The following STPG2 variants were observed in gnomAD, a reference collection of about 807,000 sequenced individuals.
STPG2 encodes the protein sperm-tail PG-rich repeat-containing protein 2.
Under a neutral mutation model 54.2 loss-of-function variants are expected in STPG2, and 56 were observed. The observed-to-expected ratio is 1.03, with a 90% CI of 0.83 to 1.29. The LOEUF (loss-of-function observed/expected upper bound fraction) is 1.29, where lower values mean the gene tolerates loss of function less well. STPG2 is among the 50% of genes most tolerant of loss of function. STPG2 has a pLI of 0.00. For synonymous variants in STPG2, 200 were observed against 181.8 expected (o/e 1.10, Z -0.81); for missense variants, 596 against 544.9 (o/e 1.09, Z -0.93).
Position 98,109,210 on chromosome 4 carries a change from TC to T in STPG2, c.482del (p.Gly161AspfsTer5). 7 of 1,608,966 alleles carry T rather than the reference TC, an allele frequency of 4.4e-6. No individual in the cohort carries two copies. The highest frequency in any genetic ancestry group is 5.9e-6 in the Non-Finnish European group (7 of 1,176,766). On this transcript the variant is annotated frameshift_variant, in exon 4 of 11. Transcript: ENST00000295268. LOFTEE classifies it high-confidence loss of function. ...TTACTTACTGGACTATATCATACTGTCCTGGACCAGGACCTGACTTTTTAGG... is the reference window on the plus strand; with the variant it reads ...TTACTTACTGGACTATATCATACTGTCTGGACCAGGACCTGACTTTTTAGG... ...ELPKKSGPGPGQYDIVQKKTS... is the reference protein window; with the variant it reads ...ELPKKSGPGPXQYDIVQKKTS...
chr4:98,067,476 T>C (rs1425783000), intron 5 of STPG2, among the ~76,000 whole-genome samples: 7 of 152,072 alleles, frequency 4.6e-5, no homozygotes, highest in Non-Finnish European at 1.0e-4. Context: ...CTGATTATTA[T>C]ACAGCCAGAA....
chr4:98,094,731 A>G (rs1431789875), intron 5 of STPG2, among the ~76,000 whole-genome samples: 1 of 152,142 alleles, frequency 6.6e-6, no homozygotes, highest in Non-Finnish European at 1.5e-5. Context: ...ACCCCCATGG[A>G]TCAGTGGTGG....
At chr4:97,863,383 C>A (rs1294053134) in intron 8 of STPG2, among the ~76,000 whole-genome samples, 1 of 152,080 alleles carries the variant, frequency 6.6e-6, no homozygotes, top group Non-Finnish European at 1.5e-5. Context: ...TACACCCTCC[C>A]AAGACTAAGC....
chr4:97,539,845 A>G (rs1731648151), intron 4 of STPG2, among the ~76,000 whole-genome samples: 1 of 152,160 alleles, frequency 6.6e-6, no homozygotes. Flanking sequence ...ACTCAACTAC[A>G]TGGAATCTGA....
intron 9 of STPG2, among the ~76,000 whole-genome samples, 169 bp downstream of exon 9, chr4:97,840,604 G>A (rs1358154917): frequency 6.6e-6 from 1 of 151,350 alleles, no homozygotes; most frequent in East Asian, 1.9e-4. Context: ...AAATAATGTT[G>A]TTTAGTTCAA....
At chr4:97,948,560 A>G (rs954331395) in intron 7 of STPG2, among the ~76,000 whole-genome samples, 2 of 152,116 alleles carry the variant, frequency 1.3e-5, no homozygotes, top group African/African-American at 4.8e-5. Flanking sequence ...AGTGCTACAA[A>G]CATTCCTCTT....
intron 10 of STPG2, among the ~76,000 whole-genome samples, chr4:97,642,188 T>A (rs1484362273): frequency 2.0e-5 from 3 of 151,336 alleles, no homozygotes; most frequent in East Asian, 3.9e-4. Context: ...TGCAGATAAA[T>A]ATAAAAATAA....
intron 9 of STPG2, among the ~76,000 whole-genome samples, chr4:97,739,508 G>T (rs1447770532): frequency 2.0e-5 from 3 of 151,996 alleles, no homozygotes; most frequent in African/African-American, 7.3e-5. Flanking sequence ...TCAAATAGAC[G>T]CAATAAAAAA....
intron 10 of STPG2, among the ~76,000 whole-genome samples, chr4:97,670,258 C>G (rs1355850153): frequency 1.3e-5 from 2 of 151,858 alleles, no homozygotes; most frequent in Non-Finnish European, 2.9e-5. Context: ...CTCAGTGGGA[C>G]AATATTGATT....
intron 5 of STPG2, among the ~76,000 whole-genome samples, chr4:98,080,255 A>T (rs1738301865): frequency 2.0e-5 from 3 of 152,142 alleles, no homozygotes; most frequent in African/African-American, 7.2e-5. Flanking sequence ...TATAAATTTT[A>T]CTTTATTTAC....
At chr4:97,885,880 A>T (rs1560571335) in intron 8 of STPG2, among the ~76,000 whole-genome samples, 1 of 152,208 alleles carries the variant, frequency 6.6e-6, no homozygotes, top group Non-Finnish European at 1.5e-5. Flanking sequence ...AAATACAAAG[A>T]TAAAAACTAT....
chr4:97,448,168 C>A (rs527533203), intron 4 of STPG2, among the ~76,000 whole-genome samples: 3 of 152,116 alleles, frequency 2.0e-5, no homozygotes, highest in Non-Finnish European at 2.9e-5. Context: ...TGCTTGTCCC[C>A]ATATTGTATC....
chr4:98,058,351 C>G (rs1040969802), intron 5 of STPG2, among the ~76,000 whole-genome samples: 3 of 152,036 alleles, frequency 2.0e-5, no homozygotes, highest in Admixed American at 6.6e-5. Flanking sequence ...GCTCAAAATA[C>G]AAGGATGGAG....
chr4:98,099,910 T>A (rs1451154803), intron 5 of STPG2, among the ~76,000 whole-genome samples: 1 of 152,188 alleles, frequency 6.6e-6, no homozygotes, highest in Non-Finnish European at 1.5e-5. Context: ...TTGGATTGTT[T>A]ATAACACAAA....
At chr4:97,888,053 G>A (rs940400458) in intron 8 of STPG2, among the ~76,000 whole-genome samples, 2 of 152,314 alleles carry the variant, frequency 1.3e-5, no homozygotes, top group African/African-American at 4.8e-5. Flanking sequence ...TGAGTCATGG[G>A]CACCTCCACC....
chr4:97,674,630 T>C (rs1479099548), intron 10 of STPG2, among the ~76,000 whole-genome samples: 1 of 152,194 alleles, frequency 6.6e-6, no homozygotes, highest in Non-Finnish European at 1.5e-5. Flanking sequence ...ACTCTCAAAT[T>C]TCCCTAGATT....
chr4:97,593,223 C>T (rs556987030), intron 10 of STPG2, among the ~76,000 whole-genome samples: 15 of 152,112 alleles, frequency 9.9e-5, no homozygotes, highest in African/African-American at 3.1e-4. Context: ...CAGCCCCTGC[C>T]GACAGGCACC....
intron 5 of STPG2, among the ~76,000 whole-genome samples, chr4:98,077,246 G>GTTT: frequency 6.6e-6 from 1 of 151,608 alleles, no homozygotes; most frequent in African/African-American, 2.4e-5. Context: ...TGTTGTTGTT[G>GTTT]TTGTTGTTGT....
Position 97,848,429 on chromosome 4 carries a change from T to A in STPG2, c.1045-7497A>T, listed in dbSNP as rs567210447. 3.9e-5 allele frequency among the ~76,000 whole-genome samples: 6 copies of A among 152,234 alleles called. No individual in the cohort carries two copies. In the East Asian group the frequency reaches 9.7e-4, roughly 25 times the overall value. On this transcript the variant is annotated intron_variant, in intron 8 of 10. Transcript: ENST00000295268. ...CAATTTACCCTTCAAATTTATCGAG[T>A]AATTTTTCCACTATTCTCTCAAATT...
Sources: allele counts gnomAD v4.1 joint callset (sites outside exome capture counted in the v4.1 genomes callset), GRCh38; gene constraint gnomAD v4.1.1; transcripts MANE v1.5; gene names NCBI Gene and HGNC (gene_info 2026-07-23, HGNC 2026-07-21).